The following MYO16 variants were observed in gnomAD, a reference collection of about 807,000 sequenced individuals.
MYO16 encodes the protein unconventional myosin-XVI.
Under a neutral mutation model 205.3 loss-of-function variants are expected in MYO16, and 94 were observed. The ratio of observed to expected loss-of-function variants is 0.46; its 90% CI spans 0.39 to 0.54. The LOEUF (loss-of-function observed/expected upper bound fraction) is 0.54, where lower values mean the gene tolerates loss of function less well. MYO16 is among the 20% of genes least tolerant of loss of function. The pLI, the probability that MYO16 is intolerant of heterozygous loss-of-function variation, is 0.00. For synonymous variants in MYO16, 988 were observed against 954.0 expected, an observed-to-expected ratio of 1.04 and a Z score of -0.66; for missense variants, 2,315 against 2,387.5, an observed-to-expected ratio of 0.97 and a Z score of 0.63.
At chr13:109,133,386 A>G (rs1876630551) in intron 31 of MYO16, among the ~76,000 whole-genome samples, 1 of 152,232 alleles carries the variant, frequency 6.6e-6, no homozygotes, top group African/African-American at 2.4e-5. Flanking sequence ...TTTCTCATAG[A>G]TTAACTATGC....
intron 5 of MYO16, among the ~76,000 whole-genome samples, chr13:108,786,896 T>C (rs1020355471): frequency 1.3e-5 from 2 of 152,234 alleles, no homozygotes; most frequent in Non-Finnish European, 2.9e-5. Flanking sequence ...CTCACTCACT[T>C]TCTCCAAGTC....
At chr13:108,809,590 A>T (rs985013805) in intron 7 of MYO16, among the ~76,000 whole-genome samples, 3 of 152,126 alleles carry the variant, frequency 2.0e-5, no homozygotes, top group Admixed American at 6.6e-5. Context: ...GATGCCACAC[A>T]CTTAAACAAT....
chr13:109,033,392 C>G (rs1886606698), intron 23 of MYO16, among the ~76,000 whole-genome samples: 1 of 152,196 alleles, frequency 6.6e-6, no homozygotes, highest in African/African-American at 2.4e-5. Context: ...CGTCGTCCCA[C>G]ATTATTCTCT....
In MYO16 at chr13:109,019,879, A is replaced by T. The variant is rs772725791; in HGVS notation, c.2764A>T (p.Thr922Ser). ...NGNVALKDHGTAFTIMHYAGR... is the reference protein window; with the variant it reads ...NGNVALKDHGSAFTIMHYAGR... ...GAATGTTGCCCTCAAAGACCACGGT[A>T]CAGCCTTCACCATCATGCACTACGC... Residue 922 changes from threonine to serine, a missense_variant, in exon 23 of 35, where the codon ACA becomes TCA. Around this residue, in one of 3 missense-constraint regions of MYO16, gnomAD observed 1,213 missense variants for 1,274.4 expected, o/e 0.95. Coordinates refer to ENST00000457511, the MANE Select transcript of MYO16 (RefSeq NM_001198950.3). 7 of 1,614,058 alleles carry T rather than the reference A, an allele frequency of 4.3e-6. No individual in the cohort carries two copies. Among genetic ancestry groups the T allele is most frequent in the African/African-American group, 1.3e-5 (1 of 74,944 alleles).
At chr13:109,066,314 G>A (rs1250350890) in intron 27 of MYO16, among the ~76,000 whole-genome samples, 1 of 152,184 alleles carries the variant, frequency 6.6e-6, no homozygotes, top group African/African-American at 2.4e-5. Context: ...ATAAGGTCAG[G>A]AGATGTTAAA....
At chr13:108,642,994 A>T (rs1365094213) in intron 1 of MYO16, among the ~76,000 whole-genome samples, 1 of 152,086 alleles carries the variant, frequency 6.6e-6, no homozygotes, top group African/African-American at 2.4e-5. Context: ...CTATTTTGTT[A>T]AGTCAGGTTT....
intron 2 of MYO16, among the ~76,000 whole-genome samples, chr13:108,697,468 C>G (rs1883135152): frequency 6.6e-6 from 1 of 152,154 alleles, no homozygotes; most frequent in Non-Finnish European, 1.5e-5. Flanking sequence ...CCAGTTGCAT[C>G]TTGAATTGAA....
At chr13:108,747,739 T>C (rs1885110751) in intron 4 of MYO16, among the ~76,000 whole-genome samples, 1 of 152,082 alleles carries the variant, frequency 6.6e-6, no homozygotes, top group Non-Finnish European at 1.5e-5. Flanking sequence ...AACAGATCAT[T>C]GGTACTGATA....
At chr13:108,967,772 TG>T (rs1883852592) in intron 20 of MYO16, among the ~76,000 whole-genome samples, 1 of 152,176 alleles carries the variant, frequency 6.6e-6, no homozygotes, top group Non-Finnish European at 1.5e-5. Context: ...GTAAATTACC[TG>T]GGGAAGAAAT....
At chr13:108,831,633 T>C (rs2567244) in intron 9 of MYO16, among the ~76,000 whole-genome samples, 138,322 of 152,126 alleles carry the variant, frequency 0.91, 63,522 homozygotes, top group East Asian at 1. Flanking sequence ...TGGCCTCACC[T>C]TCCCAAGTAG....
At chr13:108,691,975 T>C (rs1882914908) in intron 2 of MYO16, among the ~76,000 whole-genome samples, 2 of 152,208 alleles carry the variant, frequency 1.3e-5, no homozygotes, top group African/African-American at 4.8e-5. Flanking sequence ...AGCGCCCCCT[T>C]TCCCAACAAA....
At chr13:108,764,425 A>G (rs1161332681) in intron 4 of MYO16, among the ~76,000 whole-genome samples, 1 of 152,194 alleles carries the variant, frequency 6.6e-6, no homozygotes, top group Non-Finnish European at 1.5e-5. Context: ...CATATTAGAA[A>G]AATATGCTTT....
chr13:108,955,078 A>T (rs2139350197), intron 16 of MYO16, among the ~76,000 whole-genome samples: 1 of 152,248 alleles, frequency 6.6e-6, no homozygotes, highest in Middle Eastern at 3.4e-3. Context: ...CGAAACCTCC[A>T]ACCTCTTTCT....
chr13:108,559,838 C>T, the MYO16 span, among the ~76,000 whole-genome samples: 2 of 152,038 alleles, frequency 1.3e-5, no homozygotes, highest in African/African-American at 4.8e-5. Context: ...AGTAAAGATT[C>T]TATAAGAAAA....
intron 22 of MYO16, among the ~76,000 whole-genome samples, chr13:109,011,920 G>T (rs1885616066): frequency 6.6e-6 from 1 of 152,126 alleles, no homozygotes; most frequent in South Asian, 2.1e-4. Flanking sequence ...ATTTTGAGTT[G>T]CCTGTAGTGG....
intron 20 of MYO16, among the ~76,000 whole-genome samples, chr13:108,987,905 ATATC>A (rs1488400003): frequency 1.3e-5 from 2 of 152,176 alleles, no homozygotes; most frequent in African/African-American, 2.4e-5. Flanking sequence ...TCTCCACTCT[ATATC>A]TATCTACATA....
At chr13:108,685,734 G>C (rs1882652140) in intron 2 of MYO16, among the ~76,000 whole-genome samples, 1 of 152,144 alleles carries the variant, frequency 6.6e-6, no homozygotes, top group Non-Finnish European at 1.5e-5. Flanking sequence ...CAGTTCTGAA[G>C]GCAAGAAGTC....
At chr13:108,648,010 T>C (rs1594173970) in intron 1 of MYO16, among the ~76,000 whole-genome samples, 1 of 152,196 alleles carries the variant, frequency 6.6e-6, no homozygotes, top group East Asian at 1.9e-4. Flanking sequence ...GGCCCCTGTA[T>C]TCATGAAGTT....
chr13:108,873,356 C>T (rs1331468779), intron 12 of MYO16, among the ~76,000 whole-genome samples: 79 of 152,332 alleles, frequency 5.2e-4, no homozygotes, highest in Non-Finnish European at 1.0e-4. Flanking sequence ...TTATCATTAA[C>T]TCTGTTATAT....
Sources: allele counts gnomAD v4.1 joint callset (sites outside exome capture counted in the v4.1 genomes callset), GRCh38; gene constraint gnomAD v4.1.1; regional missense constraint gnomAD v4.1.1; transcripts MANE v1.5; gene names NCBI Gene and HGNC (gene_info 2026-07-23, HGNC 2026-07-21).